Variants in RNLS observed in about 807,000 individuals in gnomAD.
RNLS encodes renalase, FAD dependent amine oxidase.
RNLS carries 39 observed loss-of-function variants against 39.8 expected under a neutral mutation model. That is an observed-to-expected ratio of 0.98 (90% CI 0.76 to 1.28). The LOEUF (loss-of-function observed/expected upper bound fraction) is 1.28. RNLS is among the 50% of genes most tolerant of loss of function. The pLI is 0.00. For missense variants in RNLS, 410 were observed against 413.3 expected, an observed-to-expected ratio of 0.99 and a Z score of 0.07; for synonymous variants, 147 against 150.7, an observed-to-expected ratio of 0.98 and a Z score of 0.18.
At chr10:88,500,339 A>C (rs1036779443) in intron 4 of RNLS, among the ~76,000 whole-genome samples, 1 of 152,160 alleles carries the variant, frequency 6.6e-6, no homozygotes, top group African/African-American at 2.4e-5. Context: ...GACAAAAGAT[A>C]CAATTTGTTC....
chr10:88,364,087 C>T (rs1213301049), intron 4 of RNLS, among the ~76,000 whole-genome samples: 1 of 152,092 alleles, frequency 6.6e-6, no homozygotes, highest in Non-Finnish European at 1.5e-5. Flanking sequence ...ATACCCCTAC[C>T]TTTAAGGTCT....
the RNLS span, among the ~76,000 whole-genome samples, chr10:88,195,020 A>C: frequency 1.3e-5 from 2 of 152,178 alleles, no homozygotes; most frequent in Admixed American, 6.5e-5. Context: ...GGCATACTCG[A>C]GTGAGTCTGT....
chr10:88,285,596 G>A, intron 6 of RNLS, 90 bp from the exon 7 acceptor site: 2 of 1,099,014 alleles, frequency 1.8e-6, no homozygotes, highest in Non-Finnish European at 2.6e-6. Flanking sequence ...TAGTCTACCT[G>A]GAGAAATCAA....
At chr10:88,236,930 CTTCGAAG>C in the RNLS span, among the ~76,000 whole-genome samples, 1 of 152,132 alleles carries the variant, frequency 6.6e-6, no homozygotes, top group Non-Finnish European at 1.5e-5. Flanking sequence ...TACAGGGCTA[CTTCGAAG>C]TTCTAAAATT....
At chr10:88,267,682 C>A in the RNLS span, among the ~76,000 whole-genome samples, 1 of 152,138 alleles carries the variant, frequency 6.6e-6, no homozygotes, top group Non-Finnish European at 1.5e-5. Context: ...AACACAAAAC[C>A]TACAAATTGA....
intron 4 of RNLS, among the ~76,000 whole-genome samples, chr10:88,503,747 T>C (rs1845629540): frequency 6.6e-6 from 1 of 152,208 alleles, no homozygotes; most frequent in South Asian, 2.1e-4. Flanking sequence ...GACACTTCTC[T>C]TTTCAACAGG....
intron 4 of RNLS, among the ~76,000 whole-genome samples, chr10:88,546,251 C>T: frequency 6.6e-6 from 1 of 151,758 alleles, no homozygotes; most frequent in East Asian, 1.9e-4. Context: ...ATATATATAG[C>T]TCCATATTCA....
intron 4 of RNLS, among the ~76,000 whole-genome samples, chr10:88,507,421 T>C (rs1044211844): frequency 6.6e-6 from 1 of 152,134 alleles, no homozygotes. Flanking sequence ...AAGAAAGTGC[T>C]ATGATAAGGT....
At chr10:88,455,042 T>C (rs1056786814) in intron 4 of RNLS, among the ~76,000 whole-genome samples, 1 of 152,128 alleles carries the variant, frequency 6.6e-6, no homozygotes, top group East Asian at 1.9e-4. Flanking sequence ...ATAAACAACA[T>C]ATGTTCTGTT....
At chr10:88,513,058 G>T (rs1004707574) in intron 4 of RNLS, among the ~76,000 whole-genome samples, 2 of 152,046 alleles carry the variant, frequency 1.3e-5, no homozygotes, top group African/African-American at 4.8e-5. Flanking sequence ...AATGGACAGT[G>T]AATGCACATG....
the RNLS span, among the ~76,000 whole-genome samples, chr10:88,250,327 T>A: frequency 1.3e-5 from 2 of 152,362 alleles, no homozygotes; most frequent in East Asian, 3.9e-4. Context: ...AGAATCATTT[T>A]GCACTTAACA....
intron 4 of RNLS, among the ~76,000 whole-genome samples, chr10:88,488,885 T>C (rs2134055287): frequency 6.6e-6 from 1 of 152,326 alleles, no homozygotes; most frequent in South Asian, 2.1e-4. Context: ...TGTATGCATC[T>C]GAATATTTAA....
chr10:88,482,666 G>A (rs1564836566), intron 4 of RNLS, among the ~76,000 whole-genome samples: 1 of 151,940 alleles, frequency 6.6e-6, no homozygotes, highest in Non-Finnish European at 1.5e-5. Flanking sequence ...ATCCTCAGAG[G>A]CAATTTCTAT....
chr10:88,243,436 A>G, the RNLS span, among the ~76,000 whole-genome samples: 1 of 152,230 alleles, frequency 6.6e-6, no homozygotes, highest in African/African-American at 2.4e-5. Context: ...CATTTTGAGC[A>G]TGCATAGTCC....
the RNLS span, among the ~76,000 whole-genome samples, chr10:88,224,661 C>G: frequency 6.6e-6 from 1 of 152,252 alleles, no homozygotes; most frequent in East Asian, 1.9e-4. Flanking sequence ...CTTTCTGTAG[C>G]TGAAATAATA....
intron 4 of RNLS, among the ~76,000 whole-genome samples, chr10:88,524,099 A>G (rs1427234929): frequency 6.6e-6 from 1 of 151,912 alleles, no homozygotes; most frequent in Admixed American, 6.6e-5. Flanking sequence ...TTGACCACAC[A>G]TCATTCCTTA....
At chr10:88,337,699 A>G (rs970954222) in intron 5 of RNLS, among the ~76,000 whole-genome samples, 1 of 152,216 alleles carries the variant, frequency 6.6e-6, no homozygotes, top group Non-Finnish European at 1.5e-5. Context: ...GATCGAATCT[A>G]TCTAGAGTTG....
intron 6 of RNLS, among the ~76,000 whole-genome samples, chr10:88,310,078 G>T (rs549109594): frequency 1.9e-4 from 29 of 152,172 alleles, no homozygotes; most frequent in Admixed American, 3.3e-4. Flanking sequence ...AGCCGCAGAT[G>T]GGGTGGAGTG....
intron 4 of RNLS, among the ~76,000 whole-genome samples, chr10:88,488,586 A>C (rs993490877): frequency 3.9e-5 from 6 of 151,954 alleles, no homozygotes; most frequent in African/African-American, 1.4e-4. Flanking sequence ...ATTACCTTAA[A>C]AACTTCAAAG....
Sources: gnomAD v4.1 joint callset for allele counts (sites outside exome capture counted in the v4.1 genomes callset) on GRCh38, gnomAD v4.1.1 for gene constraint, MANE v1.5 for transcripts, NCBI Gene and HGNC (gene_info 2026-07-23, HGNC 2026-07-21) for gene names.